The following DLG2 variants were observed in gnomAD, a reference collection of about 807,000 sequenced individuals.
DLG2 encodes disks large homolog 2.
Under a neutral mutation model 132.5 loss-of-function variants are expected in DLG2, and 45 were observed. That is an observed-to-expected ratio of 0.34 (90% CI 0.27 to 0.44). The LOEUF is 0.44. Ranked by LOEUF, DLG2 falls within the 20% of genes least tolerant of loss-of-function variation. DLG2 has a pLI of 1.00. For synonymous variants in DLG2, 424 were observed against 419.6 expected (o/e 1.01, Z -0.13); for missense variants, 1,045 against 1,196.9 (o/e 0.87, Z 1.87).
intron 6 of DLG2, among the ~76,000 whole-genome samples, chr11:84,994,978 G>A (rs2057493713): frequency 6.6e-6 from 1 of 152,022 alleles, no homozygotes; most frequent in Non-Finnish European, 1.5e-5. Context: ...CTTCTCATCT[G>A]GAGACTTCTG....
chr11:83,559,265 G>A (rs182052980), intron 19 of DLG2, among the ~76,000 whole-genome samples: 10 of 152,226 alleles, frequency 6.6e-5, no homozygotes, highest in Non-Finnish European at 1.5e-4. Flanking sequence ...TGGGTGTGCA[G>A]GGGGGAAATC....
intron 22 of DLG2, among the ~76,000 whole-genome samples, chr11:83,475,153 G>A (rs1245695587): frequency 6.6e-6 from 1 of 152,126 alleles, no homozygotes; most frequent in Non-Finnish European, 1.5e-5. Context: ...GGAAGCCTGT[G>A]GGGAAACCCG....
intron 19 of DLG2, among the ~76,000 whole-genome samples, chr11:83,578,075 T>TATCAATATATATATGTATACACACACAC: frequency 7.4e-6 from 1 of 135,118 alleles, no homozygotes; most frequent in East Asian, 2.2e-4. Context: ...TATATATGTA[T>TATCAATATATATATGTATACACACACAC]ACACACACAC....
At chr11:85,087,965 A>G (rs950071183) in intron 6 of DLG2, among the ~76,000 whole-genome samples, 2 of 152,076 alleles carry the variant, frequency 1.3e-5, no homozygotes, top group Non-Finnish European at 2.9e-5. Flanking sequence ...GAAAGGAAAA[A>G]GGGCAAGATT....
chr11:85,045,209 G>A (rs1389396206), intron 6 of DLG2, among the ~76,000 whole-genome samples: 1 of 151,996 alleles, frequency 6.6e-6, no homozygotes, highest in African/African-American at 2.4e-5. Context: ...ATTGAGAAAA[G>A]GGGAGGGTGG....
At chr11:84,095,280 T>C (rs1426427179) in intron 10 of DLG2, among the ~76,000 whole-genome samples, 2 of 152,314 alleles carry the variant, frequency 1.3e-5, no homozygotes, top group South Asian at 2.1e-4. Flanking sequence ...ACCAATTATG[T>C]GCCTGCCATA....
At chr11:84,545,490 G>C in intron 6 of DLG2, 1 of 406,824 alleles carries the variant, frequency 2.5e-6, no homozygotes, top group Non-Finnish European at 4.8e-6. Flanking sequence ...AAAGCATCCA[G>C]AACTACTTTG....
At chr11:84,894,171 C>A (rs1245450739) in intron 6 of DLG2, among the ~76,000 whole-genome samples, 2 of 152,108 alleles carry the variant, frequency 1.3e-5, no homozygotes, top group Non-Finnish European at 2.9e-5. Flanking sequence ...CTTGGTTGCC[C>A]TTCTCTGGAA....
intron 18 of DLG2, among the ~76,000 whole-genome samples, chr11:83,709,282 T>C (rs2084818016): frequency 6.7e-6 from 1 of 148,706 alleles, no homozygotes; most frequent in South Asian, 2.1e-4. Flanking sequence ...TATATATACA[T>C]ATATGTACAT....
chr11:83,947,642 G>A (rs535303997), intron 14 of DLG2, among the ~76,000 whole-genome samples: 1 of 152,098 alleles, frequency 6.6e-6, no homozygotes, highest in Non-Finnish European at 1.5e-5. Flanking sequence ...TTTGTGCCAG[G>A]CTCTGTTTGA....
chr11:84,571,227 C>A (rs1283143127), intron 6 of DLG2, among the ~76,000 whole-genome samples: 1 of 151,970 alleles, frequency 6.6e-6, no homozygotes, highest in African/African-American at 2.4e-5. Flanking sequence ...TCCTTTTCTT[C>A]CTCTTTTCTT....
At chr11:83,897,459 C>T (rs895890615) in intron 15 of DLG2, among the ~76,000 whole-genome samples, 1 of 152,062 alleles carries the variant, frequency 6.6e-6, no homozygotes, top group Non-Finnish European at 1.5e-5. Context: ...CTACCAGGAC[C>T]CAAATTGTGT....
At chr11:85,471,916 A>T (rs2092995682) in intron 3 of DLG2, among the ~76,000 whole-genome samples, 1 of 152,236 alleles carries the variant, frequency 6.6e-6, no homozygotes, top group Admixed American at 6.5e-5. Flanking sequence ...GCAATCTTAG[A>T]TTTAAAAAAA....
chr11:84,820,224 A>T (rs2077521451), intron 6 of DLG2, among the ~76,000 whole-genome samples: 1 of 151,802 alleles, frequency 6.6e-6, no homozygotes, highest in South Asian at 2.1e-4. Flanking sequence ...ATCAGGGCTC[A>T]AGCTGATTTT....
intron 10 of DLG2, among the ~76,000 whole-genome samples, chr11:84,069,593 G>A (rs1008108237): frequency 6.6e-6 from 1 of 152,096 alleles, no homozygotes; most frequent in African/African-American, 2.4e-5. Flanking sequence ...AGAGTAACTC[G>A]GGTTTATGAT....
At chr11:84,973,502 T>C (rs886348078) in intron 6 of DLG2, among the ~76,000 whole-genome samples, 1 of 152,088 alleles carries the variant, frequency 6.6e-6, no homozygotes, top group Non-Finnish European at 1.5e-5. Flanking sequence ...GGGTCAAGAA[T>C]TGAAGAAGGG....
chr11:85,522,508 T>G (rs2153180137), intron 3 of DLG2, among the ~76,000 whole-genome samples: 1 of 151,984 alleles, frequency 6.6e-6, no homozygotes, highest in East Asian at 1.9e-4. Flanking sequence ...GGCCCCAGAA[T>G]AGTAGATCCA....
chr11:84,960,137 GGTGA>G (rs2052338090), intron 6 of DLG2, among the ~76,000 whole-genome samples: 1 of 152,166 alleles, frequency 6.6e-6, no homozygotes, highest in Non-Finnish European at 1.5e-5. Flanking sequence ...CTAAGGACAT[GGTGA>G]GTGAGTGGCA....
intron 7 of DLG2, among the ~76,000 whole-genome samples, chr11:84,415,947 T>C (rs982453406): frequency 1.3e-5 from 2 of 152,178 alleles, no homozygotes. Flanking sequence ...TTAGCTGTTA[T>C]TGCTGTTATT....
Sources: allele counts gnomAD v4.1 joint callset (sites outside exome capture counted in the v4.1 genomes callset), GRCh38; gene constraint gnomAD v4.1.1; transcripts MANE v1.5; gene names NCBI Gene and HGNC (gene_info 2026-07-23, HGNC 2026-07-21).